The following KDM4C variants were observed in gnomAD, a reference collection of about 807,000 sequenced individuals.
The protein encoded by KDM4C is lysine demethylase 4C.
A neutral mutation model predicts 129.3 loss-of-function variants in KDM4C; 81 were observed. That is an observed-to-expected ratio of 0.63 (90% CI 0.52 to 0.75). The LOEUF (loss-of-function observed/expected upper bound fraction) is 0.75, where lower values mean the gene tolerates loss of function less well. KDM4C is among the 30% of genes least tolerant of loss of function. KDM4C has a pLI of 0.00. For missense variants in KDM4C, 1,457 were observed against 1,304.0 expected, an observed-to-expected ratio of 1.12 and a Z score of -1.81; for synonymous variants, 573 against 456.1, an observed-to-expected ratio of 1.26 and a Z score of -3.26.
chr9:7,059,344 C>T (rs1254687726), intron 17 of KDM4C, among the ~76,000 whole-genome samples: 2 of 152,122 alleles, frequency 1.3e-5, no homozygotes, highest in Non-Finnish European at 2.9e-5. Context: ...TTCAAGCAGT[C>T]CTCCCGCCTC....
chr9:7,081,543 C>A (rs1363646190), intron 17 of KDM4C, among the ~76,000 whole-genome samples: 1 of 152,152 alleles, frequency 6.6e-6, no homozygotes, highest in Non-Finnish European at 1.5e-5. Flanking sequence ...TAGTGCTGCC[C>A]CATTGACTGA....
At chr9:7,114,952 G>A (rs1040404355) in intron 18 of KDM4C, among the ~76,000 whole-genome samples, 4 of 152,108 alleles carry the variant, frequency 2.6e-5, no homozygotes, top group Admixed American at 2.0e-4. Context: ...GGTGGTGTGC[G>A]CCTATGGTCC....
rs150162420 is a variant in KDM4C, at chr9:6,887,947, T to G, written c.680-13T>G. On this transcript the variant is annotated splice_polypyrimidine_tract_variant and intron_variant, in intron 6 of 21. Transcript: ENST00000381309. ...TCGACACAGTGCCACTTACATTTATTGTTTCTTTTTAGGTTTTTTCCCAAG... is the reference window on the plus strand; with the variant it reads ...TCGACACAGTGCCACTTACATTTATGGTTTCTTTTTAGGTTTTTTCCCAAG... 8.0e-6 allele frequency: 12 copies of G among 1,499,730 alleles called. No individual in the cohort carries two copies. The African/African-American group carries it at 1.2e-4, about 15-fold the overall frequency. The allele number at this position is 1,499,730 out of a possible 1,614,324, so 92.9% of individuals were successfully genotyped here. A position where few individuals can be genotyped will look rare whatever the true frequency, so the allele number is the denominator to read the frequency against.
chr9:7,146,729 A>T (rs939036976), intron 19 of KDM4C, among the ~76,000 whole-genome samples: 2 of 152,236 alleles, frequency 1.3e-5, no homozygotes, highest in African/African-American at 4.8e-5. Context: ...CCATCTACTT[A>T]TTAGCCCTGT....
At chr9:7,158,337 GT>G (rs1843412649) in intron 19 of KDM4C, among the ~76,000 whole-genome samples, 1 of 148,848 alleles carries the variant, frequency 6.7e-6, no homozygotes, top group Non-Finnish European at 1.5e-5. Context: ...TTTTTTAAGG[GT>G]TTTTTGTGTC....
At chr9:6,968,303 C>T (rs1191942199) in intron 8 of KDM4C, among the ~76,000 whole-genome samples, 3 of 151,872 alleles carry the variant, frequency 2.0e-5, no homozygotes, top group Non-Finnish European at 4.4e-5. Flanking sequence ...TAGTTCAGTC[C>T]CTGTCTCTAC....
At chr9:7,018,445 C>T (rs10975977) in intron 15 of KDM4C, among the ~76,000 whole-genome samples, 14,635 of 152,200 alleles carry the variant, frequency 0.096, 939 homozygotes, top group East Asian at 0.21. Context: ...TAATCTTGAC[C>T]ATACAAATAT....
At chr9:6,900,282 A>T (rs867985825) in intron 8 of KDM4C, among the ~76,000 whole-genome samples, 1 of 152,192 alleles carries the variant, frequency 6.6e-6, no homozygotes, top group Non-Finnish European at 1.5e-5. Flanking sequence ...TTTGCCCCCA[A>T]TGTCCTGTAC....
At chr9:6,952,532 C>T (rs1390133029) in intron 8 of KDM4C, among the ~76,000 whole-genome samples, 2 of 151,952 alleles carry the variant, frequency 1.3e-5, no homozygotes, top group Admixed American at 6.6e-5. Context: ...CCTCTGCCTC[C>T]TGGGTTCAAG....
intron 8 of KDM4C, among the ~76,000 whole-genome samples, chr9:6,931,904 C>T (rs1200589812): frequency 6.6e-6 from 1 of 152,166 alleles, no homozygotes; most frequent in Non-Finnish European, 1.5e-5. Context: ...AATTAATTGT[C>T]TAAAGGTAGC....
intron 4 of KDM4C, among the ~76,000 whole-genome samples, chr9:6,841,454 A>G (rs1836888470): frequency 6.6e-6 from 1 of 152,202 alleles, no homozygotes; most frequent in African/African-American, 2.4e-5. Flanking sequence ...TTGGGGAACA[A>G]GGTTCATATA....
intron 1 of KDM4C, among the ~76,000 whole-genome samples, chr9:6,751,457 TA>T (rs993588564): frequency 1.5e-4 from 23 of 151,882 alleles, no homozygotes; most frequent in African/African-American, 5.1e-4. Context: ...AAATTAATAA[TA>T]ATAATAATAA....
At chr9:7,163,991 A>G (rs1411796965) in intron 19 of KDM4C, among the ~76,000 whole-genome samples, 1 of 152,194 alleles carries the variant, frequency 6.6e-6, no homozygotes, top group Non-Finnish European at 1.5e-5. Flanking sequence ...CTCCTTTATA[A>G]GGCACAATTT....
At chr9:6,954,947 C>T (rs1216288022) in intron 8 of KDM4C, among the ~76,000 whole-genome samples, 1 of 152,198 alleles carries the variant, frequency 6.6e-6, no homozygotes, top group African/African-American at 2.4e-5. Context: ...TTGCTTCAGT[C>T]TCTAGTACTG....
intron 5 of KDM4C, among the ~76,000 whole-genome samples, chr9:6,850,517 C>T (rs1838648318): frequency 6.6e-6 from 1 of 152,012 alleles, no homozygotes; most frequent in African/African-American, 2.4e-5. Context: ...GCGATCTTGG[C>T]TCACTGCAAC....
intron 5 of KDM4C, among the ~76,000 whole-genome samples, chr9:6,866,976 TG>T (rs1842094451): frequency 5.0e-4 from 5 of 10,066 alleles, no homozygotes; most frequent in Non-Finnish European, 1.2e-3. Context: ...TATGTTTGTG[TG>T]TGTGTGTGTG....
chr9:7,002,915 C>T (rs1009394756), intron 12 of KDM4C, among the ~76,000 whole-genome samples: 13 of 152,230 alleles, frequency 8.5e-5, no homozygotes, highest in African/African-American at 2.9e-4. Flanking sequence ...GGCTGGAGTG[C>T]GGTGGCACGA....
intron 5 of KDM4C, among the ~76,000 whole-genome samples, chr9:6,866,627 A>T (rs375786055): frequency 6.6e-6 from 1 of 151,994 alleles, no homozygotes; most frequent in Admixed American, 6.6e-5. Context: ...CTTCCTACAG[A>T]TTGAAGAAGG....
chr9:7,040,381 G>GTGTC (rs140375667), intron 15 of KDM4C, among the ~76,000 whole-genome samples: 22 of 140,644 alleles, frequency 1.6e-4, no homozygotes, highest in East Asian at 1.3e-3. Context: ...GTGTGTGTGT[G>GTGTC]TGTGTGTGTG....
Sources: gnomAD v4.1 joint callset for allele counts (sites outside exome capture counted in the v4.1 genomes callset) on GRCh38, gnomAD v4.1.1 for gene constraint, MANE v1.5 for transcripts, NCBI Gene and HGNC (gene_info 2026-07-23, HGNC 2026-07-21) for gene names.